The following TPRG1 variants were observed in gnomAD, a reference collection of about 807,000 sequenced individuals.
The protein encoded by TPRG1 is tumor protein p63 regulated 1.
Under a neutral mutation model 29.3 loss-of-function variants are expected in TPRG1, and 29 were observed. That is an observed-to-expected ratio of 0.99 (90% CI 0.74 to 1.35). The LOEUF (loss-of-function observed/expected upper bound fraction) is 1.35, where lower values mean the gene tolerates loss of function less well. TPRG1 is among the 40% of genes most tolerant of loss of function. TPRG1 has a pLI of 0.00. For synonymous variants in TPRG1, 130 were observed against 116.8 expected (o/e 1.11, Z -0.73); for missense variants, 327 against 335.0 (o/e 0.98, Z 0.19).
chr3:189,289,670 C>T (rs999644766), intron 4 of TPRG1, among the ~76,000 whole-genome samples: 1 of 152,212 alleles, frequency 6.6e-6, no homozygotes, highest in African/African-American at 2.4e-5. Context: ...AATACAGCAG[C>T]ACTAGGTAAA....
chr3:188,997,394 C>T (rs1054402639), intron 1 of TPRG1, among the ~76,000 whole-genome samples: 1 of 152,144 alleles, frequency 6.6e-6, no homozygotes, highest in Non-Finnish European at 1.5e-5. Flanking sequence ...TAAATACTCT[C>T]TTACTTTCTG....
chr3:189,199,946 C>CA (rs1399108603), intron 1 of TPRG1, among the ~76,000 whole-genome samples: 1 of 152,082 alleles, frequency 6.6e-6, no homozygotes, highest in African/African-American at 2.4e-5. Context: ...GCACAACTTG[C>CA]AAACAATCAA....
intron 4 of TPRG1, among the ~76,000 whole-genome samples, chr3:189,274,551 G>A (rs1252542496): frequency 1.3e-5 from 2 of 152,112 alleles, no homozygotes; most frequent in Admixed American, 1.3e-4. Flanking sequence ...AGTAGGGTGA[G>A]TAGTAATCGA....
intron 3 of TPRG1, among the ~76,000 whole-genome samples, chr3:189,137,306 G>A (rs1465833238): frequency 1.1e-4 from 14 of 125,900 alleles, no homozygotes; most frequent in Non-Finnish European, 1.8e-4. Context: ...ATGTGTGTGT[G>A]TGTGTGTGTG....
intron 5 of TPRG1, among the ~76,000 whole-genome samples, chr3:189,315,044 G>A (rs1163985735): frequency 1.3e-5 from 2 of 152,138 alleles, no homozygotes; most frequent in Non-Finnish European, 2.9e-5. Flanking sequence ...TACTTGGAAG[G>A]CTAAGGCAGG....
At chr3:189,141,183 A>G (rs1724504167) in intron 3 of TPRG1, among the ~76,000 whole-genome samples, 1 of 152,258 alleles carries the variant, frequency 6.6e-6, no homozygotes, top group Non-Finnish European at 1.5e-5. Flanking sequence ...AGTAATTTCC[A>G]TCCTTATACA....
chr3:189,201,892 C>T lies in TPRG1; in HGVS notation c.-9-5484C>T, dbSNP rs866112134. On this transcript the variant is annotated intron_variant, in intron 1 of 5. Transcript: ENST00000345063. ...TCTTGAACTCCTGACCTCAGGTGAT[C>T]CGCCCACCTTGGCCTCCCAAATTGT... Among the ~76,000 whole-genome samples the T allele has an allele frequency of 2.5e-4, 38 of 152,208 alleles. 1 individual carries two copies. The South Asian group carries it at 3.9e-3, about 16-fold the overall frequency.
chr3:189,173,452 G>T (rs1375511592), intron 1 of TPRG1, among the ~76,000 whole-genome samples: 2 of 149,284 alleles, frequency 1.3e-5, no homozygotes, highest in Non-Finnish European at 3.0e-5. Context: ...CGATTCTCCT[G>T]CCTCAGCCTC....
chr3:189,241,475 G>A (rs1189539385), intron 4 of TPRG1, among the ~76,000 whole-genome samples: 1 of 151,690 alleles, frequency 6.6e-6, no homozygotes, highest in African/African-American at 2.4e-5. Flanking sequence ...TGATTTGTAA[G>A]AGCTATTTGT....
intron 3 of TPRG1, among the ~76,000 whole-genome samples, chr3:189,223,736 T>A (rs73889136): frequency 0.11 from 16,676 of 152,170 alleles, 987 homozygotes; most frequent in Middle Eastern, 0.16. Context: ...TGGGCCTCAG[T>A]TTTGTGATCT....
chr3:189,029,790 C>A (rs1005171111), intron 4 of TPRG1, among the ~76,000 whole-genome samples: 2 of 152,142 alleles, frequency 1.3e-5, no homozygotes, highest in Admixed American at 1.3e-4. Flanking sequence ...TCACCGTAGT[C>A]ATTCCCATGA....
chr3:189,020,536 C>T (rs1454277332), intron 3 of TPRG1, among the ~76,000 whole-genome samples: 27 of 151,400 alleles, frequency 1.8e-4, no homozygotes, highest in South Asian at 6.3e-4. Flanking sequence ...TGTAGTTGAG[C>T]GGTTTTGATT....
chr3:189,300,616 AT>A (rs1260275015), intron 4 of TPRG1, among the ~76,000 whole-genome samples: 1 of 152,132 alleles, frequency 6.6e-6, no homozygotes, highest in African/African-American at 2.4e-5. Flanking sequence ...CTCTTGCCAG[AT>A]TTGCTTTGCT....
intron 4 of TPRG1, among the ~76,000 whole-genome samples, chr3:189,054,908 G>T (rs75209056): frequency 6.6e-6 from 1 of 152,166 alleles, no homozygotes; most frequent in Non-Finnish European, 1.5e-5. Context: ...GCATGTGCTG[G>T]TGGAAAGATG....
At chr3:189,299,342 A>T (rs1328686343) in intron 4 of TPRG1, among the ~76,000 whole-genome samples, 1 of 152,202 alleles carries the variant, frequency 6.6e-6, no homozygotes, top group East Asian at 1.9e-4. Context: ...TATAGATGTG[A>T]CATGCCAGCA....
rs1297969381 is a variant in TPRG1, at chr3:189,325,012, G to A, written c.*4192G>A. The A allele has an allele frequency of 6.6e-6, 1 of 152,118 alleles. No individual in the cohort carries two copies. The highest frequency in any genetic ancestry group is 2.4e-5 in the African/African-American group (1 of 41,436). 9.4% of individuals were successfully genotyped at this position (152,118 alleles called of 1,614,324 possible). A position where few individuals can be genotyped will look rare whatever the true frequency, so the allele number is the denominator to read the frequency against. On this transcript the variant is annotated 3_prime_UTR_variant, in exon 6 of 6. Coordinates refer to ENST00000345063, the MANE Select transcript of TPRG1 (RefSeq NM_198485.4). ...CCTCCCACAACGTGCTCCGAAAGCA[G>A]TTAGGGGACTAGGCCTCTTGATTTC...
At chr3:189,241,666 C>T (rs199565695) in intron 4 of TPRG1, among the ~76,000 whole-genome samples, 1 of 152,106 alleles carries the variant, frequency 6.6e-6, no homozygotes, top group African/African-American at 2.4e-5. Flanking sequence ...AGAATTTCCA[C>T]ATGTTGTGGG....
intron 4 of TPRG1, among the ~76,000 whole-genome samples, chr3:189,304,284 CA>C (rs1282682075): frequency 6.6e-6 from 1 of 152,132 alleles, no homozygotes; most frequent in African/African-American, 2.4e-5. Context: ...TCAAGTTACC[CA>C]GTTGAATAGT....
rs535571669 is a variant in TPRG1, at chr3:189,308,074, C to T, written c.480-2312C>T. ...TGGCATCATGACCACCTACACTATT[C>T]ACACAGCATGACTGAGGTCATGGAA... On this transcript the variant is annotated intron_variant, in intron 4 of 5. Coordinates refer to ENST00000345063, the MANE Select transcript of TPRG1 (RefSeq NM_198485.4). 1.8e-4 allele frequency among the ~76,000 whole-genome samples: 27 copies of T among 152,316 alleles called. 1 individual carries two copies. The highest frequency in any genetic ancestry group is 6.5e-4 in the African/African-American group (27 of 41,576).
Sources: gnomAD v4.1 joint callset for allele counts (sites outside exome capture counted in the v4.1 genomes callset) on GRCh38, gnomAD v4.1.1 for gene constraint, MANE v1.5 for transcripts, NCBI Gene and HGNC (gene_info 2026-07-23, HGNC 2026-07-21) for gene names.